AGAP1: variants seen among roughly 807,000 people sequenced by gnomAD.
The protein encoded by AGAP1 is ArfGAP with GTPase domain, ankyrin repeat and PH domain 1.
In AGAP1, 29 loss-of-function variants were observed where a neutral mutation model predicts 105.3. The observed-to-expected ratio is 0.28, with a 90% confidence interval of 0.21 to 0.38. The LOEUF (loss-of-function observed/expected upper bound fraction) is 0.38. AGAP1 is among the 10% of genes least tolerant of loss of function. AGAP1 has a pLI of 1.00. For synonymous variants in AGAP1, 509 were observed against 485.9 expected (o/e 1.05, Z -0.63); for missense variants, 998 against 1,165.1 (o/e 0.86, Z 2.09).
At chr2:235,918,899 C>T (rs990924429) in intron 11 of AGAP1, among the ~76,000 whole-genome samples, 1 of 152,096 alleles carries the variant, frequency 6.6e-6, no homozygotes, top group Non-Finnish European at 1.5e-5. Context: ...TCTGAAAGAA[C>T]CAACTAAAGC....
rs1205637427 is a variant in AGAP1, at chr2:236,061,350, T to C, written c.2114+12069T>C. On this transcript the variant is annotated intron_variant, in intron 16 of 17. Coordinates refer to ENST00000304032, the MANE Select transcript of AGAP1 (RefSeq NM_001037131.3). The surrounding 1 kb of genome is among the most constrained non-coding windows in gnomAD (Gnocchi z 4.1). ...ATGACCCAGCCATTCCTCCCCCAGG[T>C]CTATACCTAAGATAAATGAAAACAC... 1.3e-5 allele frequency among the ~76,000 whole-genome samples: 2 copies of C among 152,126 alleles called. No homozygotes were observed. Among genetic ancestry groups the C allele is most frequent in the Non-Finnish European group, 2.9e-5 (2 of 68,026 alleles).
At position 235,956,336 on chromosome 2, in the gene AGAP1, G is replaced by T. The variant is rs538287116; in HGVS notation, c.1484-12126G>T. On this transcript the variant is annotated intron_variant, in intron 12 of 17. Coordinates refer to ENST00000304032, the MANE Select transcript of AGAP1 (RefSeq NM_001037131.3). ...CTAAAAATCAGCTAGAGAACAATTT[G>T]ATTTTTGAGCCTTAACTATAAATTC... Among the ~76,000 whole-genome samples the T allele has an allele frequency of 1.7e-4, 26 of 152,298 alleles. 1 individual carries two copies. The South Asian group carries it at 5.4e-3, about 32-fold the overall frequency.
At position 235,723,960 on chromosome 2, in the gene AGAP1, C is replaced by T. The variant is rs528523302; in HGVS notation, c.310+6316C>T. ...GTGGCAAAAGGAGGGCCGGGGCCTG[C>T]CTGCCACTGAGGCCCAGCGGCTGCC... On this transcript the variant is annotated intron_variant, in intron 3 of 17. Transcript: ENST00000304032. The surrounding 1 kb of genome is among the most constrained non-coding windows in gnomAD (Gnocchi z 6.2). Among the ~76,000 whole-genome samples the T allele has an allele frequency of 7.5e-4, 114 of 152,266 alleles. 1 individual carries two copies. Among genetic ancestry groups the T allele is most frequent in the African/African-American group, 8.2e-4 (34 of 41,542 alleles).
rs2149659999 is a variant in AGAP1, at chr2:235,740,512, G to A, written c.311-451G>A. 6.6e-6 allele frequency among the ~76,000 whole-genome samples: 1 copy of A among 152,292 alleles called. No individual in the cohort carries two copies. The highest frequency in any genetic ancestry group is 6.5e-5 in the Admixed American group (1 of 15,306). ...TCTATGTCTCCCTTTCAAGAACTGG[G>A]TTTCTCTTGAGGAGAATACAGGTTC... On this transcript the variant is annotated intron_variant, in intron 3 of 17. Transcript: ENST00000304032. This position sits in a 1 kb window ranked among gnomAD's most constrained non-coding sequence, Gnocchi z 5.7.
At chr2:235,637,366 G>A (rs1349234029) in intron 1 of AGAP1, among the ~76,000 whole-genome samples, 1 of 152,106 alleles carries the variant, frequency 6.6e-6, no homozygotes, top group African/African-American at 2.4e-5. Flanking sequence ...TCGACCTCCT[G>A]GGTTCAAGTG....
chr2:235,594,695 C>G (rs186699081), intron 1 of AGAP1, among the ~76,000 whole-genome samples: 1 of 151,948 alleles, frequency 6.6e-6, no homozygotes, highest in Non-Finnish European at 1.5e-5. Flanking sequence ...CCTTGGCGTC[C>G]CAAGTAGCAG....
At position 235,950,887 on chromosome 2, in the gene AGAP1, C is replaced by CTTTTT. The variant is rs200110792; in HGVS notation, c.1484-17547_1484-17543dup. 1.2e-3 allele frequency among the ~76,000 whole-genome samples: 137 copies of CTTTTT among 118,226 alleles called. 4 individuals are homozygous for CTTTTT. The highest frequency in any genetic ancestry group is 2.0e-3 in the East Asian group (7 of 3,546). 77.6% of individuals were successfully genotyped at this position (118,226 alleles called of 152,430 possible). On this transcript the variant is annotated intron_variant, in intron 12 of 17. Transcript: ENST00000304032. Reference sequence around the variant, plus strand: ...AAATGTAACTCGGGATCTCCAAGCACTTTTTTTTTTTTTTTTTTTTTTTTT... The same window carrying CTTTTT: ...AAATGTAACTCGGGATCTCCAAGCACTTTTTTTTTTTTTTTTTTTTTTTTTTTTTT...
intron 1 of AGAP1, among the ~76,000 whole-genome samples, chr2:235,647,120 C>CAA (rs72255791): frequency 1.7e-5 from 2 of 117,624 alleles, no homozygotes; most frequent in East Asian, 2.6e-4. Flanking sequence ...GACTCCGTCT[C>CAA]AAAAAAAAAA....
rs2049643112 is a variant in AGAP1 at position 235,874,985 on chromosome 2, C to T, written c.1051-8360C>T. ...AAGCGGAAGCAAACTAGAAACAGCT[C>T]TCCCAAACGTGGGCAAAAAAAGAAA... On this transcript the variant is annotated intron_variant, in intron 9 of 17. Transcript: ENST00000304032. This position sits in a 1 kb window ranked among gnomAD's most constrained non-coding sequence, Gnocchi z 4.5. 6.6e-6 allele frequency among the ~76,000 whole-genome samples: 1 copy of T among 152,204 alleles called. No homozygotes were observed. Among genetic ancestry groups the T allele is most frequent in the African/African-American group, 2.4e-5 (1 of 41,446 alleles).
chr2:236,039,150 AAC>A (rs2057472353), intron 14 of AGAP1, among the ~76,000 whole-genome samples: 1 of 152,144 alleles, frequency 6.6e-6, no homozygotes, highest in South Asian at 2.1e-4. Context: ...AAGCCTCAAA[AAC>A]ACTACATATC....
intron 3 of AGAP1, among the ~76,000 whole-genome samples, chr2:235,727,363 A>G (rs943355027): frequency 6.6e-6 from 1 of 152,038 alleles, no homozygotes; most frequent in African/African-American, 2.4e-5. Flanking sequence ...GTGTTGTGCA[A>G]TGCAGTTCTC....
intron 6 of AGAP1, among the ~76,000 whole-genome samples, chr2:235,778,469 C>T (rs1328265500): frequency 1.3e-5 from 2 of 152,204 alleles, no homozygotes; most frequent in Admixed American, 6.5e-5. Flanking sequence ...TCCCTGTCCT[C>T]ATGCTTCCTG....
At position 235,550,233 on chromosome 2, in the gene AGAP1, C is replaced by T. The variant is rs1055794604; in HGVS notation, c.163+55384C>T. 4.6e-5 allele frequency among the ~76,000 whole-genome samples: 7 copies of T among 152,164 alleles called. No individual in the cohort carries two copies. Among genetic ancestry groups the T allele is most frequent in the African/African-American group, 1.2e-4 (5 of 41,452 alleles). On this transcript the variant is annotated intron_variant, in intron 1 of 17. Transcript: ENST00000304032. This position sits in a 1 kb window ranked among gnomAD's most constrained non-coding sequence, Gnocchi z 4.6. The stretch of plus-strand genomic sequence containing the variant: ...ACACAGGCAGCCCGAGGCACCTCCT[C>T]GTCACAGTGTTCTCCGCAGCCCTGA...
At chr2:236,008,682 T>C (rs1380129867) in intron 13 of AGAP1, among the ~76,000 whole-genome samples, 1 of 152,204 alleles carries the variant, frequency 6.6e-6, no homozygotes, top group Non-Finnish European at 1.5e-5. Context: ...GTTTTTATTT[T>C]CCCGGGTTGA....
chr2:235,694,696 C>T lies in AGAP1; in HGVS notation c.164-14483C>T, dbSNP rs1460397200. Among the ~76,000 whole-genome samples, 3 of 152,180 alleles carry T rather than the reference C, an allele frequency of 2.0e-5. No individual in the cohort carries two copies. The East Asian group carries it at 5.8e-4, about 29-fold the overall frequency. On this transcript the variant is annotated intron_variant, in intron 1 of 17. Transcript: ENST00000304032. Reference sequence around the variant, plus strand: ...AAGGAAGCTGCTACCTTCCCAAGGACACTTGCTCCTCCTCGTCTTGCTCAG... The same window carrying T: ...AAGGAAGCTGCTACCTTCCCAAGGATACTTGCTCCTCCTCGTCTTGCTCAG...
intron 11 of AGAP1, among the ~76,000 whole-genome samples, chr2:235,910,680 G>T (rs1489705897): frequency 1.3e-5 from 2 of 152,206 alleles, no homozygotes; most frequent in African/African-American, 4.8e-5. Context: ...CACTTTGGGA[G>T]GCCAAAATGG....
Position 235,655,604 on chromosome 2 carries a change from G to GA in AGAP1, c.164-53571dup, listed in dbSNP as rs1947746300. 6.6e-6 allele frequency among the ~76,000 whole-genome samples: 1 copy of GA among 152,178 alleles called. No individual in the cohort carries two copies. The highest frequency in any genetic ancestry group is 2.4e-5 in the African/African-American group (1 of 41,438). On this transcript the variant is annotated intron_variant, in intron 1 of 17. Coordinates refer to ENST00000304032, the MANE Select transcript of AGAP1 (RefSeq NM_001037131.3). The surrounding 1 kb of genome is among the most constrained non-coding windows in gnomAD (Gnocchi z 4.3). ...CTGTATCTGATGAGTTAGTAGCTGTGAAAACGTTTCTCTAGCAAGGCTGCC... is the reference window on the plus strand; with the variant it reads ...CTGTATCTGATGAGTTAGTAGCTGTGAAAAACGTTTCTCTAGCAAGGCTGCC...
chr2:235,726,985 G>A (rs999128946), intron 3 of AGAP1, among the ~76,000 whole-genome samples: 1 of 152,180 alleles, frequency 6.6e-6, no homozygotes, highest in Non-Finnish European at 1.5e-5. Context: ...TCCCCACTTG[G>A]TAGCAAGCCC....
At position 236,006,730 on chromosome 2, in the gene AGAP1, T is replaced by C. The variant is rs146407647; in HGVS notation, c.1646-29831T>C. On this transcript the variant is annotated intron_variant, in intron 13 of 17. Transcript: ENST00000304032. The stretch of plus-strand genomic sequence containing the variant: ...GTCTCTGTTGGAGTTACGCTTACAA[T>C]GTGATAGTTGTGTGTGTGTACGGAT... Among the ~76,000 whole-genome samples the C allele has an allele frequency of 4.4e-3, 670 of 152,276 alleles. 14 individuals are homozygous for C. In the East Asian group the frequency reaches 0.05, roughly 11 times the overall value.
Sources: allele counts gnomAD v4.1 joint callset (sites outside exome capture counted in the v4.1 genomes callset), GRCh38; gene constraint gnomAD v4.1.1; non-coding constraint Gnocchi (gnomAD v3.1); transcripts MANE v1.5; gene names NCBI Gene and HGNC (gene_info 2026-07-23, HGNC 2026-07-21).